Variants in CCSER1 observed in about 807,000 individuals in gnomAD.
CCSER1 encodes serine-rich coiled-coil domain-containing protein 1.
Under a neutral mutation model 82.0 loss-of-function variants are expected in CCSER1, and 41 were observed. The ratio of observed to expected loss-of-function variants is 0.50; its 90% CI spans 0.39 to 0.65. The LOEUF is 0.65. CCSER1 is among the 30% of genes least tolerant of loss of function. CCSER1 has a pLI of 0.00. For missense variants in CCSER1, 1,119 were observed against 1,064.2 expected (o/e 1.05, Z -0.72); for synonymous variants, 414 against 383.9 (o/e 1.08, Z -0.92).
At chr4:90,159,594 T>C (rs982411839) in intron 1 of CCSER1, among the ~76,000 whole-genome samples, 3 of 152,350 alleles carry the variant, frequency 2.0e-5, no homozygotes, top group East Asian at 3.9e-4. Context: ...CATGGATCTA[T>C]TGAGTATAAG....
chr4:91,388,303 G>T (rs1751431757), intron 10 of CCSER1, among the ~76,000 whole-genome samples: 1 of 151,960 alleles, frequency 6.6e-6, no homozygotes, highest in African/African-American at 2.4e-5. Flanking sequence ...TAAGTCAATA[G>T]CTGTATAAAT....
intron 1 of CCSER1, among the ~76,000 whole-genome samples, chr4:90,260,875 C>T (rs1724206077): frequency 6.6e-6 from 1 of 152,112 alleles, no homozygotes; most frequent in East Asian, 1.9e-4. Context: ...GCCAGCACAC[C>T]TGGCTAATTT....
chr4:91,154,195 C>G (rs571948469), intron 10 of CCSER1, among the ~76,000 whole-genome samples: 2 of 152,164 alleles, frequency 1.3e-5, no homozygotes, highest in South Asian at 2.1e-4. Flanking sequence ...TTTACCTACT[C>G]AAGCCTCAGG....
intron 10 of CCSER1, among the ~76,000 whole-genome samples, chr4:91,232,702 A>C (rs1738713825): frequency 6.6e-6 from 1 of 151,844 alleles, no homozygotes; most frequent in African/African-American, 2.4e-5. Flanking sequence ...GAACCCAAAT[A>C]AAATACTTGT....
chr4:91,114,019 A>T (rs1726330933), intron 10 of CCSER1, among the ~76,000 whole-genome samples: 1 of 151,888 alleles, frequency 6.6e-6, no homozygotes, highest in Non-Finnish European at 1.5e-5. Flanking sequence ...CGCCCGGCTA[A>T]TTTTTTGTAT....
intron 5 of CCSER1, among the ~76,000 whole-genome samples, chr4:90,588,960 G>T (rs1579323555): frequency 6.6e-6 from 1 of 152,056 alleles, no homozygotes; most frequent in African/African-American, 2.4e-5. Context: ...TCATAAAACT[G>T]GTATGCAAAT....
chr4:91,242,083 G>C (rs1366495110), intron 10 of CCSER1, among the ~76,000 whole-genome samples: 3 of 152,078 alleles, frequency 2.0e-5, no homozygotes, highest in African/African-American at 7.2e-5. Context: ...TTAAACTAAA[G>C]GGTAGAAGGT....
In CCSER1 at chr4:90,308,327, T is replaced by C; in HGVS notation, c.43T>C (p.Leu15=). The C allele has an allele frequency of 6.2e-7, 1 of 1,606,472 alleles. No individual in the cohort carries two copies. The highest frequency in any genetic ancestry group is 8.5e-7 in the Non-Finnish European group (1 of 1,176,212). ...AAGACGATCTACCCTGGTCTCCCGG[T>C]TGCCAATATTCAGAAGAAGTATTAA... is the stretch of plus-strand genomic sequence containing the variant. ...GSRRSTLVSR[L]PIFRRSINRR... Residue 15 remains leucine, a synonymous_variant, in exon 2 of 11, where the codon TTG becomes CTG. Transcript: ENST00000509176.
chr4:91,177,824 G>T (rs528305988), intron 10 of CCSER1, among the ~76,000 whole-genome samples: 36 of 152,088 alleles, frequency 2.4e-4, no homozygotes, highest in African/African-American at 8.2e-4. Context: ...CTTCAGTTCT[G>T]CTCTGATGTT....
chr4:90,185,848 A>T (rs1228290724), intron 1 of CCSER1, among the ~76,000 whole-genome samples: 2 of 152,080 alleles, frequency 1.3e-5, no homozygotes, highest in African/African-American at 4.8e-5. Flanking sequence ...TCAATGGAAG[A>T]TATTTTGTTT....
chr4:91,137,015 T>TTA (rs1211479202), intron 10 of CCSER1, among the ~76,000 whole-genome samples: 1 of 151,428 alleles, frequency 6.6e-6, no homozygotes, highest in Admixed American at 6.6e-5. Flanking sequence ...AAAAATTCTT[T>TTA]TTTTTTTTAT....
intron 7 of CCSER1, among the ~76,000 whole-genome samples, chr4:90,786,034 C>A (rs1262529297): frequency 6.6e-6 from 1 of 152,148 alleles, no homozygotes; most frequent in African/African-American, 2.4e-5. Flanking sequence ...CTGGCCTGGT[C>A]GACTTCAATT....
intron 7 of CCSER1, among the ~76,000 whole-genome samples, chr4:90,811,995 CAT>C (rs1554019060): frequency 1.4e-5 from 2 of 142,774 alleles, no homozygotes; most frequent in African/African-American, 5.2e-5. Flanking sequence ...TATATAAACA[CAT>C]ATATATATAT....
At chr4:90,813,312 A>G (rs62309548) in intron 7 of CCSER1, among the ~76,000 whole-genome samples, 50,785 of 152,050 alleles carry the variant, frequency 0.33, 8,628 homozygotes, top group East Asian at 0.42. Flanking sequence ...CCAAAATCTC[A>G]TTTGACTCTG....
chr4:91,249,376 G>A (rs1366795126), intron 10 of CCSER1, among the ~76,000 whole-genome samples: 1 of 151,946 alleles, frequency 6.6e-6, no homozygotes, highest in Non-Finnish European at 1.5e-5. Context: ...AAGAAAATAC[G>A]TTTTCAGTTT....
chr4:90,241,170 C>T (rs1384271087), intron 1 of CCSER1, among the ~76,000 whole-genome samples: 1 of 152,150 alleles, frequency 6.6e-6, no homozygotes, highest in Admixed American at 6.5e-5. Context: ...ACTAGTCAGT[C>T]ATTGTTTTTC....
intron 1 of CCSER1, among the ~76,000 whole-genome samples, chr4:90,216,058 T>G (rs1740957714): frequency 6.6e-6 from 1 of 152,134 alleles, no homozygotes; most frequent in African/African-American, 2.4e-5. Flanking sequence ...CCTGAAGAGA[T>G]TTGAATAAGT....
intron 4 of CCSER1, among the ~76,000 whole-genome samples, chr4:90,403,765 G>A (rs1173874380): frequency 6.6e-6 from 1 of 152,100 alleles, no homozygotes; most frequent in Non-Finnish European, 1.5e-5. Context: ...TATTATGGTA[G>A]TTTATAGTAG....
intron 5 of CCSER1, among the ~76,000 whole-genome samples, chr4:90,578,938 T>C (rs1781086547): frequency 7.4e-6 from 1 of 136,050 alleles, no homozygotes; most frequent in African/African-American, 3.0e-5. Context: ...AAAGCATTGG[T>C]ACTAATGATA....
Sources: allele counts gnomAD v4.1 joint callset (sites outside exome capture counted in the v4.1 genomes callset), GRCh38; gene constraint gnomAD v4.1.1; transcripts MANE v1.5; gene names NCBI Gene and HGNC (gene_info 2026-07-23, HGNC 2026-07-21).